The following ADAMTS17 variants were observed in gnomAD, a reference collection of about 807,000 sequenced individuals.
ADAMTS17 encodes A disintegrin and metalloproteinase with thrombospondin motifs 17.
Under a neutral mutation model 141.5 loss-of-function variants are expected in ADAMTS17, and 113 were observed. The observed-to-expected ratio is 0.80, with a 90% CI of 0.69 to 0.93. The LOEUF (loss-of-function observed/expected upper bound fraction) is 0.93. Among genes scored for constraint, ADAMTS17 ranks in the 40% least tolerant of loss-of-function variants. The pLI, the probability that ADAMTS17 is intolerant of heterozygous loss-of-function variation, is 0.00. For missense variants in ADAMTS17, 1,659 were observed against 1,517.9 expected, an observed-to-expected ratio of 1.09 and a Z score of -1.54; for synonymous variants, 768 against 630.6, an observed-to-expected ratio of 1.22 and a Z score of -3.27.
At chr15:100,290,619 G>A (rs2044596899) in intron 3 of ADAMTS17, among the ~76,000 whole-genome samples, 1 of 152,228 alleles carries the variant, frequency 6.6e-6, no homozygotes, top group South Asian at 2.1e-4. Context: ...TACAAGGCTA[G>A]AGTAACCAAA....
At chr15:100,094,488 G>T (rs1334505631) in intron 15 of ADAMTS17, among the ~76,000 whole-genome samples, 1 of 152,238 alleles carries the variant, frequency 6.6e-6, no homozygotes, top group East Asian at 1.9e-4. Context: ...CTGGGTAAAG[G>T]AAGACCACTT....
At chr15:100,070,557 G>A (rs1437014834) in intron 15 of ADAMTS17, among the ~76,000 whole-genome samples, 2 of 150,070 alleles carry the variant, frequency 1.3e-5, no homozygotes, top group African/African-American at 4.9e-5. Flanking sequence ...AGACCACGGT[G>A]CAATCAAACT....
At chr15:100,042,787 T>C (rs2031365402) in intron 18 of ADAMTS17, among the ~76,000 whole-genome samples, 1 of 152,196 alleles carries the variant, frequency 6.6e-6, no homozygotes, top group Non-Finnish European at 1.5e-5. Flanking sequence ...TGAGATTTCA[T>C]GACACTACTC....
At chr15:100,297,221 GGCAAGA>G (rs1188452729) in intron 3 of ADAMTS17, among the ~76,000 whole-genome samples, 7 of 152,182 alleles carry the variant, frequency 4.6e-5, no homozygotes, top group African/African-American at 9.7e-5. Flanking sequence ...ACTGCAAGGA[GGCAAGA>G]GCAAGAGAGA....
chr15:100,081,162 T>C (rs1243710990), intron 15 of ADAMTS17, among the ~76,000 whole-genome samples: 2 of 152,092 alleles, frequency 1.3e-5, no homozygotes, highest in Non-Finnish European at 2.9e-5. Flanking sequence ...CAGAAAAACA[T>C]GAAAAGGAGA....
In ADAMTS17 at chr15:99,992,907, C is replaced by A. The variant is rs370575515; in HGVS notation, c.2949+141G>T. 15 of 1,064,112 alleles carry A rather than the reference C, an allele frequency of 1.4e-5. No homozygotes were observed. The African/African-American group carries it at 2.3e-4, about 16-fold the overall frequency. 65.9% of individuals were successfully genotyped at this position (1,064,112 alleles called of 1,614,324 possible). ...AAGCACACGGGGTCTTGGGTAGTTG[C>A]AGCGGGTGGAAGGAAAATGAATTTG... On this transcript the variant is annotated intron_variant, in intron 20 of 21. Coordinates refer to ENST00000268070, the MANE Select transcript of ADAMTS17 (RefSeq NM_139057.4).
At chr15:100,255,479 T>C (rs1371364881) in intron 6 of ADAMTS17, among the ~76,000 whole-genome samples, 3 of 152,154 alleles carry the variant, frequency 2.0e-5, no homozygotes, top group Non-Finnish European at 4.4e-5. Context: ...TTTTAGAAGA[T>C]GAAGCAATAG....
intron 15 of ADAMTS17, among the ~76,000 whole-genome samples, chr15:100,064,253 G>C (rs1218793604): frequency 6.6e-6 from 1 of 152,190 alleles, no homozygotes; most frequent in Non-Finnish European, 1.5e-5. Context: ...AGTTAGGCAA[G>C]AAGCATGGAA....
At chr15:100,075,971 C>G (rs1012336474) in intron 15 of ADAMTS17, among the ~76,000 whole-genome samples, 1 of 152,140 alleles carries the variant, frequency 6.6e-6, no homozygotes, top group Non-Finnish European at 1.5e-5. Flanking sequence ...CGTTTCATCT[C>G]TCTTTCTTGC....
intron 3 of ADAMTS17, among the ~76,000 whole-genome samples, chr15:100,330,208 T>C (rs1344626361): frequency 6.6e-6 from 1 of 152,136 alleles, no homozygotes; most frequent in Non-Finnish European, 1.5e-5. Flanking sequence ...AAAATCACTT[T>C]TAAAAACCCT....
intron 3 of ADAMTS17, among the ~76,000 whole-genome samples, chr15:100,294,890 T>C (rs959083407): frequency 2.6e-5 from 4 of 152,168 alleles, no homozygotes; most frequent in African/African-American, 2.4e-5. Flanking sequence ...GAAAATCAAA[T>C]GTCTCTCACC....
At chr15:100,039,560 T>C (rs2031060123) in intron 18 of ADAMTS17, among the ~76,000 whole-genome samples, 1 of 152,234 alleles carries the variant, frequency 6.6e-6, no homozygotes, top group African/African-American at 2.4e-5. Context: ...CTTAAACTTC[T>C]TTCTCTTACT....
intron 3 of ADAMTS17, among the ~76,000 whole-genome samples, chr15:100,326,434 C>T (rs1299410213): frequency 6.6e-6 from 1 of 152,182 alleles, no homozygotes; most frequent in African/African-American, 2.4e-5. Context: ...TTGGCCCTTG[C>T]TGAGCAAAGA....
At chr15:100,208,317 G>C (rs899041638) in intron 7 of ADAMTS17, among the ~76,000 whole-genome samples, 2 of 152,258 alleles carry the variant, frequency 1.3e-5, no homozygotes, top group Middle Eastern at 3.4e-3. Flanking sequence ...TTTTTACCTT[G>C]ACTCATTCAA....
At chr15:100,056,885 A>G (rs1318530059) in intron 15 of ADAMTS17, among the ~76,000 whole-genome samples, 3 of 152,150 alleles carry the variant, frequency 2.0e-5, no homozygotes, top group South Asian at 4.1e-4. Context: ...AAAGATGAAC[A>G]CAACACAATT....
chr15:100,171,019 C>G (rs12441281), intron 8 of ADAMTS17, among the ~76,000 whole-genome samples: 5,657 of 152,230 alleles, frequency 0.037, 182 homozygotes, highest in East Asian at 0.17. Flanking sequence ...CTGCTGCCCC[C>G]CTTAGGGGCA....
chr15:100,171,468 C>T (rs2040157983), intron 8 of ADAMTS17, among the ~76,000 whole-genome samples: 1 of 152,178 alleles, frequency 6.6e-6, no homozygotes, highest in Admixed American at 6.5e-5. Flanking sequence ...GGAGCTGTCA[C>T]TCAAGTGACA....
chr15:100,276,744 G>A (rs966943659), intron 4 of ADAMTS17, among the ~76,000 whole-genome samples: 1 of 152,110 alleles, frequency 6.6e-6, no homozygotes, highest in Non-Finnish European at 1.5e-5. Flanking sequence ...CTATGTTCCA[G>A]GGGGCTTGTC....
intron 7 of ADAMTS17, among the ~76,000 whole-genome samples, chr15:100,245,976 C>T (rs538354393): frequency 7.9e-5 from 12 of 152,060 alleles, no homozygotes; most frequent in Admixed American, 5.9e-4. Flanking sequence ...CAGTCACTAT[C>T]TCTAAGTGGT....
Sources: allele counts gnomAD v4.1 joint callset (sites outside exome capture counted in the v4.1 genomes callset), GRCh38; gene constraint gnomAD v4.1.1; transcripts MANE v1.5; gene names NCBI Gene and HGNC (gene_info 2026-07-23, HGNC 2026-07-21).